SPATA17: variants seen among roughly 807,000 people sequenced by gnomAD.
SPATA17 encodes the protein spermatogenesis associated 17.
In SPATA17, 53 loss-of-function variants were observed where a neutral mutation model predicts 62.2. The ratio of observed to expected loss-of-function variants is 0.85; its 90% confidence interval spans 0.68 to 1.07. The LOEUF (loss-of-function observed/expected upper bound fraction) is 1.07, where lower values mean the gene tolerates loss of function less well. Among genes scored for constraint, SPATA17 ranks in the 50% least tolerant of loss-of-function variants. The pLI is 0.00. For synonymous variants in SPATA17, 146 were observed against 146.8 expected (o/e 0.99, Z 0.04); for missense variants, 466 against 425.5 (o/e 1.10, Z -0.84).
chr1:217,658,748 ACT>A (rs1491365175), intron 3 of SPATA17, among the ~76,000 whole-genome samples: 1 of 152,024 alleles, frequency 6.6e-6, no homozygotes, highest in East Asian at 1.9e-4. Flanking sequence ...ACAGAGCGAG[ACT>A]CTATCTCAAA....
chr1:217,632,618 G>A (rs184933925), intron 1 of SPATA17, among the ~76,000 whole-genome samples: 9 of 152,240 alleles, frequency 5.9e-5, no homozygotes, highest in Non-Finnish European at 1.3e-4. Context: ...ACTAGTAGCA[G>A]AGACAGTGTC....
chr1:217,749,292 A>G (rs917580185), intron 6 of SPATA17, among the ~76,000 whole-genome samples: 4 of 152,044 alleles, frequency 2.6e-5, no homozygotes, highest in Admixed American at 1.3e-4. Context: ...TTGTATTTCC[A>G]TGATATACAG....
At chr1:217,860,417 T>C (rs1675875525) in intron 9 of SPATA17, among the ~76,000 whole-genome samples, 1 of 152,104 alleles carries the variant, frequency 6.6e-6, no homozygotes, top group Non-Finnish European at 1.5e-5. Flanking sequence ...TTATATACAG[T>C]TTTATGGTAG....
intron 3 of SPATA17, chr1:217,665,332 C>A (rs1258464441): frequency 6.6e-6 from 1 of 152,156 alleles, no homozygotes; most frequent in Non-Finnish European, 1.5e-5. Flanking sequence ...ATTAGGATGC[C>A]TTGCTTTAAG....
chr1:217,682,616 A>G (rs923828155), intron 4 of SPATA17, among the ~76,000 whole-genome samples: 4 of 152,026 alleles, frequency 2.6e-5, no homozygotes, highest in African/African-American at 9.7e-5. Flanking sequence ...AAATTGTGTA[A>G]CCTCTCTTTT....
rs1175963896 is a variant in SPATA17, at chr1:217,824,988, TATAA to T, written c.1005+23142_1005+23145del. ...CACATACATATACATACAATTCAAA[TATAA>T]ATACATTTATATACATATGAATATT... On this transcript the variant is annotated intron_variant, in intron 9 of 10. Transcript: ENST00000366933. Among the ~76,000 whole-genome samples, 4 of 150,958 alleles carry T rather than the reference TATAA, an allele frequency of 2.6e-5. No homozygotes were observed. In the East Asian group the frequency reaches 5.9e-4, roughly 22 times the overall value.
chr1:217,641,498 G>A (rs894749544), intron 1 of SPATA17, among the ~76,000 whole-genome samples: 1 of 152,014 alleles, frequency 6.6e-6, no homozygotes, highest in Non-Finnish European at 1.5e-5. Context: ...TTTAAAATAT[G>A]CTTAAGGACT....
At chr1:217,765,842 C>T (rs1673287545) in intron 6 of SPATA17, among the ~76,000 whole-genome samples, 1 of 152,026 alleles carries the variant, frequency 6.6e-6, no homozygotes, top group Non-Finnish European at 1.5e-5. Flanking sequence ...TGCTTTGTTG[C>T]TAGGCATATA....
chr1:217,687,362 G>A (rs1007215348), intron 5 of SPATA17, among the ~76,000 whole-genome samples: 14 of 151,888 alleles, frequency 9.2e-5, no homozygotes, highest in Non-Finnish European at 8.8e-5. Context: ...GGTTTATTGT[G>A]TTATAGTCAG....
At chr1:217,864,741 A>G (rs1246787240) in intron 10 of SPATA17, among the ~76,000 whole-genome samples, 2 of 152,164 alleles carry the variant, frequency 1.3e-5, no homozygotes, top group Non-Finnish European at 1.5e-5. Flanking sequence ...ACACTCCAGT[A>G]GGGACTGTTT....
chr1:217,672,813 A>G (rs1670860841), intron 4 of SPATA17, among the ~76,000 whole-genome samples: 1 of 151,996 alleles, frequency 6.6e-6, no homozygotes, highest in African/African-American at 2.4e-5. Context: ...TACTTCTGTT[A>G]TAGAACCTGT....
At chr1:217,799,533 C>G (rs530805432) in intron 8 of SPATA17, among the ~76,000 whole-genome samples, 4 of 152,188 alleles carry the variant, frequency 2.6e-5, no homozygotes, top group African/African-American at 9.6e-5. Context: ...GCTCTTTTCC[C>G]AAGAGCATAC....
At chr1:217,829,558 G>A (rs992354188) in intron 9 of SPATA17, among the ~76,000 whole-genome samples, 5 of 144,390 alleles carry the variant, frequency 3.5e-5, no homozygotes, top group African/African-American at 1.3e-4. Context: ...AACCCAGCAG[G>A]TGGAGGTTGC....
In SPATA17 at chr1:217,821,005, A is replaced by C. The variant is rs111891145; in HGVS notation, c.1005+19155A>C. Among the ~76,000 whole-genome samples, 957 of 152,126 alleles carry C rather than the reference A, an allele frequency of 6.3e-3. 4 individuals are homozygous for C. Among genetic ancestry groups the C allele is most frequent in the African/African-American group, 0.021 (890 of 41,534 alleles). On this transcript the variant is annotated intron_variant, in intron 9 of 10. Coordinates refer to ENST00000366933, the MANE Select transcript of SPATA17 (RefSeq NM_138796.4). ...AAGCAGGCATGTGCAAAGAGGGACCAAGCTTGAGGGGCATCCCAATTAATC... is the reference window on the plus strand; with the variant it reads ...AAGCAGGCATGTGCAAAGAGGGACCCAGCTTGAGGGGCATCCCAATTAATC...
chr1:217,740,926 C>T (rs1323574391), intron 5 of SPATA17, among the ~76,000 whole-genome samples: 1 of 152,114 alleles, frequency 6.6e-6, no homozygotes, highest in Non-Finnish European at 1.5e-5. Context: ...GATTTTTAAA[C>T]GTCAGTGTGT....
intron 1 of SPATA17, among the ~76,000 whole-genome samples, chr1:217,635,477 G>A (rs935294768): frequency 1.3e-5 from 2 of 152,162 alleles, no homozygotes; most frequent in Non-Finnish European, 2.9e-5. Flanking sequence ...GCTGAGGTGG[G>A]TGGATCACTT....
chr1:217,760,193 T>C (rs925848933), intron 6 of SPATA17, among the ~76,000 whole-genome samples: 1 of 152,158 alleles, frequency 6.6e-6, no homozygotes, highest in African/African-American at 2.4e-5. Flanking sequence ...AAAGTTTGAG[T>C]GGTGATAAAA....
Position 217,655,799 on chromosome 1 carries a change from TC to T in SPATA17, c.240+4622del, listed in dbSNP as rs1670428690. 3.9e-5 allele frequency among the ~76,000 whole-genome samples: 6 copies of T among 152,286 alleles called. 1 individual carries two copies. The South Asian group carries it at 1.2e-3, about 32-fold the overall frequency. On this transcript the variant is annotated intron_variant, in intron 3 of 10. Transcript: ENST00000366933. ...GTCCTTCGTTTTCTCACTAGGAGCT[TC>T]TTCAAACCAATTTTTGATAGAATCA...
chr1:217,699,819 A>C (rs544845834), intron 5 of SPATA17, among the ~76,000 whole-genome samples: 34 of 151,820 alleles, frequency 2.2e-4, no homozygotes, highest in African/African-American at 8.0e-4. Context: ...TTTTTTTCTA[A>C]AAGTTTTATT....
Sources: allele counts gnomAD v4.1 joint callset (sites outside exome capture counted in the v4.1 genomes callset), GRCh38; gene constraint gnomAD v4.1.1; transcripts MANE v1.5; gene names NCBI Gene and HGNC (gene_info 2026-07-23, HGNC 2026-07-21).